Variants in ACAA1 observed in about 807,000 individuals in gnomAD.
ACAA1 encodes acetyl-CoA acyltransferase 1, also known as 3-ketoacyl-CoA thiolase, peroxisomal.
A neutral mutation model predicts 48.8 loss-of-function variants in ACAA1; 44 were observed. The observed-to-expected ratio is 0.90, with a 90% CI of 0.71 to 1.16. ACAA1 has a LOEUF of 1.16. Ranked by LOEUF, ACAA1 falls within the 50% of genes most tolerant of loss-of-function variation. ACAA1 has a pLI of 0.00. For missense variants in ACAA1, 512 were observed against 562.3 expected, an observed-to-expected ratio of 0.91 and a Z score of 0.90; for synonymous variants, 233 against 226.5, an observed-to-expected ratio of 1.03 and a Z score of -0.26.
At position 38,122,750 on chromosome 3, in the gene ACAA1, CT is replaced by C. The variant is rs1301114712; in HGVS notation, c.*296del. The C allele has an allele frequency of 7.8e-7, 1 of 1,276,404 alleles. No individual in the cohort carries two copies. The highest frequency in any genetic ancestry group is 1.0e-6 in the Non-Finnish European group (1 of 964,210). The allele number at this position is 1,276,404 out of a possible 1,614,324, so 79.1% of individuals were successfully genotyped here. A position where few individuals can be genotyped will look rare whatever the true frequency, so the allele number is the denominator to read the frequency against. Reference sequence around the variant, plus strand: ...CACTTTTACTATGCCCATTGCACTTCTCATCCATGGATTTGCCTTGCCTTAA... The same window carrying C: ...CACTTTTACTATGCCCATTGCACTTCCATCCATGGATTTGCCTTGCCTTAA... On this transcript the variant is annotated 3_prime_UTR_variant, in exon 12 of 12. Transcript: ENST00000333167.
At position 38,137,123 on chromosome 3, in the gene ACAA1, A is replaced by G. The variant is rs1700926573; in HGVS notation, c.-88T>C. ...GCCGTCCGCACACGCGCAGAACCAC[A>G]TCTCAGCCTCCAAGGCCTCAACTCC... On this transcript the variant is annotated 5_prime_UTR_variant, in exon 1 of 12. The change abolishes an upstream ATG in the 5' untranslated region. Transcript: ENST00000333167. 1.8e-6 allele frequency: 2 copies of G among 1,104,200 alleles called. No individual in the cohort carries two copies. Among genetic ancestry groups the G allele is most frequent in the Admixed American group, 6.2e-5 (2 of 32,050 alleles). The allele number at this position is 1,104,200 out of a possible 1,614,324, so 68.4% of individuals were successfully genotyped here. A position where few individuals can be genotyped will look rare whatever the true frequency, so the allele number is the denominator to read the frequency against.
intron 2 of ACAA1, chr3:38,135,089 G>A (rs1401606776): frequency 2.0e-5 from 3 of 152,266 alleles, no homozygotes; most frequent in African/African-American, 7.2e-5. Context: ...ACACTGAGAT[G>A]TCTGGGTAAA....
rs749612882 is a variant in ACAA1, at chr3:38,123,073, C to T, written c.1249G>A (p.Ala417Thr). 8 of 1,614,062 alleles carry T rather than the reference C, an allele frequency of 5.0e-6. No homozygotes were observed. The highest frequency in any genetic ancestry group is 6.8e-6 in the Non-Finnish European group (8 of 1,180,032). Residue 417 changes from alanine (A) to threonine (T), a missense_variant, in exon 12 of 12, where the codon GCC (alanine) becomes ACC (threonine). Transcript: ENST00000333167. Reference sequence around the variant, plus strand: ...CAGTTCCCAGGGTATTCAAAGACGGCAGCGGCTCCCATTCCAGTCCCGATG... The same window carrying T: ...CAGTTCCCAGGGTATTCAAAGACGGTAGCGGCTCCCATTCCAGTCCCGATG... ...MCIGTGMGAA[A>T]VFEYPGN
At chr3:38,131,762 G>A in intron 4 of ACAA1, 124 bp from the exon 5 acceptor site, 7 of 1,302,860 alleles carry the variant, frequency 5.4e-6, no homozygotes, top group Middle Eastern at 1.8e-4. Context: ...GGAAGACCCA[G>A]GAGTGTTCAG....
At position 38,136,250 on chromosome 3, in the gene ACAA1, CACAG is replaced by C. The variant is rs1465872792; in HGVS notation, c.265+338_265+341del. 3.3e-5 allele frequency among the ~76,000 whole-genome samples: 5 copies of C among 152,294 alleles called. No homozygotes were observed. In the East Asian group the frequency reaches 9.6e-4, roughly 29 times the overall value. On this transcript the variant is annotated intron_variant, in intron 2 of 11. Coordinates refer to ENST00000333167, the MANE Select transcript of ACAA1 (RefSeq NM_001607.4). ...GAGTTTCTTCTGTCTTCCTTTTCTA[CACAG>C]ACACAGTAACAGTCTGATCTCTCTT...
intron 2 of ACAA1, chr3:38,134,332 A>T: frequency 2.3e-6 from 1 of 439,836 alleles, no homozygotes; most frequent in South Asian, 2.2e-5. Context: ...ACATCTCCCC[A>T]GGTATCCTCC....
Position 38,136,911 on chromosome 3 carries a change from T to C in ACAA1, c.125A>G (p.His42Arg). 1.3e-6 allele frequency: 2 copies of C among 1,536,546 alleles called. No individual in the cohort carries two copies. The highest frequency in any genetic ancestry group is 1.7e-6 in the Non-Finnish European group (2 of 1,144,816). ...QASAADVVVVHGRRTAICRAG... is the reference protein window; with the variant it reads ...QASAADVVVVRGRRTAICRAG... Reference sequence around the variant, plus strand: ...CCGGCAGATGGCCGTGCGCCGCCCGTGCACCACCACCACGTCCGCGGCCGA... The same window carrying C: ...CCGGCAGATGGCCGTGCGCCGCCCGCGCACCACCACCACGTCCGCGGCCGA... The change falls in exon 1 of 12, where the codon CAC (histidine) becomes CGC (arginine). Residue 42 changes from histidine (H) to arginine (R), a missense_variant. By Grantham distance (29) the His-to-Arg change is conservative. Coordinates refer to ENST00000333167, the MANE Select transcript of ACAA1 (RefSeq NM_001607.4).
rs566439081 is a variant in ACAA1, at chr3:38,136,668, C to A, written c.189G>T (p.Glu63Asp). The A allele has an allele frequency of 6.2e-7, 1 of 1,613,058 alleles. No homozygotes were observed. The highest frequency in any genetic ancestry group is 1.3e-5 in the African/African-American group (1 of 74,906). ...CCGCGGTCATGACTGCCGAGAGAAG[C>A]TCGTCGGGGGTGGTGTCCTGCAGCA... ...RGGFKDTTPD[E>D]LLSAVMTAVL... Residue 63 changes from glutamate to aspartate, a missense_variant, in exon 2 of 12, where the codon GAG becomes GAT. Physicochemically the swap from Glu to Asp is conservative, Grantham distance 45. Coordinates refer to ENST00000333167, the MANE Select transcript of ACAA1 (RefSeq NM_001607.4).
chr3:38,132,042 A>G lies in ACAA1; in HGVS notation c.324-37T>C, dbSNP rs372816021. 40 of 1,567,302 alleles carry G rather than the reference A, an allele frequency of 2.6e-5. No homozygotes were observed. The Middle Eastern group carries it at 5.0e-4, about 20-fold the overall frequency. ...GGTGAGAAAGTAGAATCAGCCCCCA[A>G]TTCCATGCCAGGCTCTCATGGAAAG... On this transcript the variant is annotated intron_variant, in intron 3 of 11. Coordinates refer to ENST00000333167, the MANE Select transcript of ACAA1 (RefSeq NM_001607.4).
chr3:38,127,619 G>A, intron 7 of ACAA1, 167 bp downstream of exon 7: 1 of 654,104 alleles, frequency 1.5e-6, no homozygotes, highest in African/African-American at 1.8e-5. Context: ...CCAACTCACA[G>A]TGGCCCTGAC....
At position 38,126,306 on chromosome 3, in the gene ACAA1, T is replaced by C. The variant is rs1448839241; in HGVS notation, c.853A>G (p.Ile285Val). The C allele has an allele frequency of 3.1e-6, 5 of 1,614,062 alleles. No individual in the cohort carries two copies. Among genetic ancestry groups the C allele is most frequent in the Non-Finnish European group, 4.2e-6 (5 of 1,179,980 alleles). ...SSQVSDGAAA[I>V]LLARRSKAEE... ...GCCTTGGACCTCCGGGCCAGCAGGA[T>C]GGCAGCTGCCCCATCACTCACCTGG... The change falls in exon 9 of 12, where the codon ATC (isoleucine) becomes GTC (valine). Residue 285 changes from isoleucine to valine, a missense_variant. Physicochemically the swap from Ile to Val is conservative, Grantham distance 29. Coordinates refer to ENST00000333167, the MANE Select transcript of ACAA1 (RefSeq NM_001607.4). The surrounding 1 kb of genome is among the most constrained non-coding windows in gnomAD (Gnocchi z 4.7).
chr3:38,132,199 C>G (rs889025465), intron 3 of ACAA1, 194 bp from the exon 4 acceptor site: 6 of 447,300 alleles, frequency 1.3e-5, no homozygotes, highest in Non-Finnish European at 2.5e-5. Context: ...CCCATCTCTG[C>G]AGGCACTTGC....
At chr3:38,136,429 C>T (rs903326111) in intron 2 of ACAA1, among the ~76,000 whole-genome samples, 163 bp downstream of exon 2, 2 of 152,216 alleles carry the variant, frequency 1.3e-5, no homozygotes, top group African/African-American at 2.4e-5. Context: ...TCTCTCCTCC[C>T]ATCTGACGAG....
Position 38,137,093 on chromosome 3 carries a change from A to G in ACAA1, c.-58T>C. The G allele has an allele frequency of 5.0e-6, 7 of 1,395,704 alleles. No homozygotes were observed. The highest frequency in any genetic ancestry group is 1.3e-5 in the South Asian group (1 of 75,388). 86.5% of individuals were successfully genotyped at this position (1,395,704 alleles called of 1,614,324 possible). The stretch of plus-strand genomic sequence containing the variant: ...TCCGGGAACTGACCGCGGAGTTAAC[A>G]GACAGCCGTCCGCACACGCGCAGAA... On this transcript the variant is annotated 5_prime_UTR_variant, in exon 1 of 12. Transcript: ENST00000333167.
chr3:38,133,743 G>T, intron 3 of ACAA1: 1 of 588,726 alleles, frequency 1.7e-6, no homozygotes, highest in South Asian at 2.1e-5. Context: ...GAGAACTTCT[G>T]CTCCAGTCCC....
intron 5 of ACAA1, among the ~76,000 whole-genome samples, chr3:38,130,278 T>TA (rs1700761068): frequency 6.6e-6 from 1 of 152,224 alleles, no homozygotes; most frequent in South Asian, 2.1e-4. Flanking sequence ...TTTGAGATAT[T>TA]AGAGTGCTTC....
chr3:38,132,983 AC>A (rs1700817802), intron 3 of ACAA1, among the ~76,000 whole-genome samples: 1 of 152,264 alleles, frequency 6.6e-6, no homozygotes, highest in Admixed American at 6.5e-5. Flanking sequence ...AGGATGCCCA[AC>A]CAACACACAG....
At position 38,136,898 on chromosome 3, in the gene ACAA1, C is replaced by T; in HGVS notation, c.138G>A (p.Thr46=). ...CGCCGCGGCCCGCCCGGCAGATGGC[C>T]GTGCGCCGCCCGTGCACCACCACCA... ...ADVVVVHGRR[T]AICRAGRGGF... is the part of the protein sequence containing the mutation. Residue 46 remains threonine, a synonymous_variant, in exon 1 of 12, where the codon ACG becomes ACA. Transcript: ENST00000333167. The T allele has an allele frequency of 6.5e-7, 1 of 1,533,260 alleles. No individual in the cohort carries two copies. The highest frequency in any genetic ancestry group is 8.7e-7 in the Non-Finnish European group (1 of 1,143,904). The allele number at this position is 1,533,260 out of a possible 1,614,324, so 95.0% of individuals were successfully genotyped here.
At chr3:38,123,248 C>G (rs970707726) in intron 11 of ACAA1, 126 bp from the exon 12 acceptor site, 5 of 867,078 alleles carry the variant, frequency 5.8e-6, no homozygotes. Context: ...TGTGGGCAAG[C>G]GGTACCCTGG....
Sources: gnomAD v4.1 joint callset for allele counts (sites outside exome capture counted in the v4.1 genomes callset) on GRCh38, gnomAD v4.1.1 for gene constraint, Gnocchi (gnomAD v3.1) non-coding constraint, MANE v1.5 for transcripts, NCBI Gene and HGNC (gene_info 2026-07-23, HGNC 2026-07-21) for gene names.